Variants in STARD13 observed in about 807,000 individuals in gnomAD.
STARD13 encodes StAR related lipid transfer domain containing 13, also known as stAR-related lipid transfer protein 13.
In STARD13, 62 loss-of-function variants were observed where a neutral mutation model predicts 106.4. That is an observed-to-expected ratio of 0.58 (90% CI 0.48 to 0.72). STARD13 has a LOEUF of 0.72. Ranked by LOEUF, STARD13 falls within the 30% of genes least tolerant of loss-of-function variation. The pLI, the probability that STARD13 is intolerant of heterozygous loss-of-function variation, is 0.00. For synonymous variants in STARD13, 565 were observed against 553.0 expected, an observed-to-expected ratio of 1.02 and a Z score of -0.31; for missense variants, 1,387 against 1,424.0, an observed-to-expected ratio of 0.97 and a Z score of 0.42.
At position 33,151,406 on chromosome 13, in the gene STARD13, T is replaced by C. The variant is rs185465978; in HGVS notation, c.324-9033A>G. On this transcript the variant is annotated intron_variant, in intron 3 of 13. Coordinates refer to ENST00000336934, the MANE Select transcript of STARD13 (RefSeq NM_178006.4). ...ACACGGTGAAAGCAGGAGGGAGAGATAGAAAAGGGGAAGGTTCCAGGCTCT... is the reference window on the plus strand; with the variant it reads ...ACACGGTGAAAGCAGGAGGGAGAGACAGAAAAGGGGAAGGTTCCAGGCTCT... 4.0e-5 allele frequency among the ~76,000 whole-genome samples: 6 copies of C among 151,644 alleles called. No individual in the cohort carries two copies. The East Asian group carries it at 1.2e-3, about 29-fold the overall frequency.
intron 1 of STARD13, among the ~76,000 whole-genome samples, chr13:33,168,695 G>A (rs1883606658): frequency 6.6e-6 from 1 of 152,056 alleles, no homozygotes; most frequent in Admixed American, 6.5e-5. Context: ...GGAGTGTACA[G>A]GGCGTTCTTG....
the STARD13 span, among the ~76,000 whole-genome samples, chr13:33,614,012 T>C: frequency 6.6e-6 from 1 of 152,328 alleles, no homozygotes; most frequent in African/African-American, 2.4e-5. Context: ...CACATGAACA[T>C]AGTCAGTTGT....
the STARD13 span, among the ~76,000 whole-genome samples, chr13:33,652,783 C>T: frequency 1.3e-5 from 2 of 151,390 alleles, no homozygotes; most frequent in African/African-American, 4.9e-5. Flanking sequence ...TAGCAACTAC[C>T]AAAATTTGTA....
the STARD13 span, among the ~76,000 whole-genome samples, chr13:33,578,263 A>G: frequency 2.0e-5 from 3 of 152,160 alleles, no homozygotes; most frequent in African/African-American, 7.2e-5. Context: ...CTACAAGGCT[A>G]CAGAAACTAA....
the STARD13 span, among the ~76,000 whole-genome samples, chr13:33,673,338 C>T: frequency 6.6e-6 from 1 of 152,006 alleles, no homozygotes; most frequent in East Asian, 1.9e-4. Flanking sequence ...TGCTCATGGC[C>T]TACATTTGTG....
At chr13:33,474,498 C>G in the STARD13 span, among the ~76,000 whole-genome samples, 1 of 152,126 alleles carries the variant, frequency 6.6e-6, no homozygotes, top group Admixed American at 6.6e-5. Context: ...TTATTTTTAC[C>G]TGGCAACAAA....
chr13:33,147,443 T>C (rs1244228215), intron 3 of STARD13, among the ~76,000 whole-genome samples: 1 of 152,188 alleles, frequency 6.6e-6, no homozygotes, highest in Admixed American at 6.5e-5. Flanking sequence ...AAAGAGCCGC[T>C]CAGCAAAGAC....
intron 1 of STARD13, among the ~76,000 whole-genome samples, chr13:33,181,449 T>A (rs1885227672): frequency 6.6e-6 from 1 of 152,230 alleles, no homozygotes; most frequent in African/African-American, 2.4e-5. Flanking sequence ...CTCATGTTCT[T>A]AGCCTAGAGT....
chr13:33,219,835 G>T (rs1400732017), intron 1 of STARD13, among the ~76,000 whole-genome samples: 1 of 142,612 alleles, frequency 7.0e-6, no homozygotes, highest in African/African-American at 2.5e-5. Context: ...AAGAAAGAAA[G>T]AAAGAAAGAA....
the STARD13 span, among the ~76,000 whole-genome samples, chr13:33,620,622 C>T: frequency 2.6e-5 from 4 of 151,868 alleles, no homozygotes; most frequent in African/African-American, 9.6e-5. Flanking sequence ...CTGCATTCAC[C>T]AAGATAAACT....
At chr13:33,215,557 T>C (rs1887992770) in intron 1 of STARD13, among the ~76,000 whole-genome samples, 1 of 152,226 alleles carries the variant, frequency 6.6e-6, no homozygotes, top group East Asian at 1.9e-4. Context: ...ATAATGCTCA[T>C]GATATTCAAG....
At chr13:33,668,647 C>T in the STARD13 span, among the ~76,000 whole-genome samples, 2 of 152,116 alleles carry the variant, frequency 1.3e-5, no homozygotes, top group Admixed American at 6.5e-5. Context: ...TTCCTGGAAC[C>T]CTGAGTGAGA....
chr13:33,582,985 T>C, the STARD13 span, among the ~76,000 whole-genome samples: 3 of 152,220 alleles, frequency 2.0e-5, no homozygotes, highest in Non-Finnish European at 4.4e-5. Flanking sequence ...GGGATGAGCA[T>C]AGGCACTTTT....
chr13:33,232,450 G>C (rs536358222), intron 1 of STARD13, among the ~76,000 whole-genome samples: 4 of 151,588 alleles, frequency 2.6e-5, no homozygotes, highest in African/African-American at 9.7e-5. Context: ...CTCACAAGTG[G>C]GGAAGAACCC....
chr13:33,400,141 T>A, the STARD13 span, among the ~76,000 whole-genome samples: 2 of 152,024 alleles, frequency 1.3e-5, no homozygotes, highest in Non-Finnish European at 2.9e-5. Flanking sequence ...TTTCCCCCAC[T>A]CCCCATCCCC....
chr13:33,506,723 G>T, the STARD13 span, among the ~76,000 whole-genome samples: 2,794 of 152,224 alleles, frequency 0.018, 75 homozygotes, highest in African/African-American at 0.063. Context: ...AAAGCTCATT[G>T]GTATGGGTTC....
chr13:33,232,064 G>GA (rs1406599274), intron 1 of STARD13, among the ~76,000 whole-genome samples: 1 of 152,214 alleles, frequency 6.6e-6, no homozygotes, highest in African/African-American at 2.4e-5. Context: ...TGTAATCCAA[G>GA]CACTTTGGGA....
At chr13:33,575,978 A>C in the STARD13 span, among the ~76,000 whole-genome samples, 1 of 152,128 alleles carries the variant, frequency 6.6e-6, no homozygotes, top group Non-Finnish European at 1.5e-5. Context: ...AAAACAAAAA[A>C]AATCTATATG....
At chr13:33,397,034 A>AG in the STARD13 span, among the ~76,000 whole-genome samples, 3 of 152,204 alleles carry the variant, frequency 2.0e-5, no homozygotes, top group African/African-American at 7.2e-5. Context: ...ATTGGAGAGT[A>AG]GGGAGCTGTG....
Sources: allele counts gnomAD v4.1 joint callset (sites outside exome capture counted in the v4.1 genomes callset), GRCh38; gene constraint gnomAD v4.1.1; transcripts MANE v1.5; gene names NCBI Gene and HGNC (gene_info 2026-07-23, HGNC 2026-07-21).